The following STXBP5L variants were observed in gnomAD, a reference collection of about 807,000 sequenced individuals.
STXBP5L encodes syntaxin-binding protein 5-like.
A neutral mutation model predicts 144.5 loss-of-function variants in STXBP5L; 65 were observed. The observed-to-expected ratio is 0.45, with a 90% CI of 0.37 to 0.55. The LOEUF (loss-of-function observed/expected upper bound fraction) is 0.55. Ranked by LOEUF, STXBP5L falls within the 20% of genes least tolerant of loss-of-function variation. STXBP5L has a pLI of 0.00. For synonymous variants in STXBP5L, 505 were observed against 469.6 expected (o/e 1.08, Z -0.97); for missense variants, 1,298 against 1,405.5 (o/e 0.92, Z 1.22).
chr3:121,007,904 C>T (rs180689307), intron 3 of STXBP5L, among the ~76,000 whole-genome samples: 2 of 152,036 alleles, frequency 1.3e-5, no homozygotes, highest in Admixed American at 6.6e-5. Context: ...CTAATACTTA[C>T]AGGTGTTATT....
chr3:121,121,225 G>A (rs1019220315), intron 6 of STXBP5L, among the ~76,000 whole-genome samples: 14 of 151,228 alleles, frequency 9.3e-5, no homozygotes, highest in South Asian at 4.1e-4. Flanking sequence ...AGGAGATTTC[G>A]TGTAAAAGGA....
intron 19 of STXBP5L, among the ~76,000 whole-genome samples, chr3:121,283,107 A>T (rs1228244238): frequency 8.1e-6 from 1 of 124,128 alleles, no homozygotes; most frequent in Non-Finnish European, 1.6e-5. Context: ...TATTCTGTTA[A>T]AAAGCAGGTT....
chr3:120,938,270 T>TTA, intron 2 of STXBP5L, among the ~76,000 whole-genome samples: 1 of 152,262 alleles, frequency 6.6e-6, no homozygotes, highest in Non-Finnish European at 1.5e-5. Flanking sequence ...TATTTATTTT[T>TTA]TATATATGGT....
At chr3:121,364,700 T>G (rs1220735473) in intron 20 of STXBP5L, among the ~76,000 whole-genome samples, 3 of 152,012 alleles carry the variant, frequency 2.0e-5, no homozygotes, top group Non-Finnish European at 4.4e-5. Flanking sequence ...TATTTTATTC[T>G]TTTTCATGCT....
chr3:121,051,081 A>T (rs1947944805), intron 5 of STXBP5L, among the ~76,000 whole-genome samples: 1 of 152,204 alleles, frequency 6.6e-6, no homozygotes, highest in Non-Finnish European at 1.5e-5. Flanking sequence ...CCAGATTCAT[A>T]AAGGAAGTCC....
chr3:121,336,587 TA>T (rs2108571211), intron 20 of STXBP5L, among the ~76,000 whole-genome samples: 1 of 150,836 alleles, frequency 6.6e-6, no homozygotes, highest in Non-Finnish European at 1.5e-5. Context: ...TGGCTATTAA[TA>T]AAAAGTAAAA....
At chr3:121,030,018 T>C (rs1199758212) in intron 3 of STXBP5L, among the ~76,000 whole-genome samples, 1 of 152,058 alleles carries the variant, frequency 6.6e-6, no homozygotes, top group Non-Finnish European at 1.5e-5. Flanking sequence ...TATTAAAAAG[T>C]CAGGAAACGA....
intron 3 of STXBP5L, among the ~76,000 whole-genome samples, chr3:120,995,354 A>G (rs1174599174): frequency 6.6e-6 from 1 of 151,918 alleles, no homozygotes; most frequent in East Asian, 1.9e-4. Flanking sequence ...CCCTATGTCA[A>G]CCAGGCTGAT....
At chr3:121,148,270 T>C (rs556975435) in intron 7 of STXBP5L, among the ~76,000 whole-genome samples, 2 of 152,156 alleles carry the variant, frequency 1.3e-5, no homozygotes, top group East Asian at 1.9e-4. Flanking sequence ...TGATCAAGAA[T>C]GAAAGAGAAG....
intron 3 of STXBP5L, among the ~76,000 whole-genome samples, chr3:120,988,635 T>G (rs895031766): frequency 1.3e-5 from 2 of 152,132 alleles, no homozygotes; most frequent in Non-Finnish European, 2.9e-5. Context: ...GTTGATTGTG[T>G]TGTTGAGTTC....
chr3:121,209,745 C>T (rs1381360853), intron 10 of STXBP5L, among the ~76,000 whole-genome samples: 1 of 152,186 alleles, frequency 6.6e-6, no homozygotes, highest in Non-Finnish European at 1.5e-5. Flanking sequence ...ATCCATGTCC[C>T]TACAAAGGAC....
At chr3:121,336,801 C>T (rs573099798) in intron 20 of STXBP5L, among the ~76,000 whole-genome samples, 103 of 152,174 alleles carry the variant, frequency 6.8e-4, no homozygotes, top group African/African-American at 2.4e-3. Context: ...AACACATGCA[C>T]GTGTGTATTC....
intron 25 of STXBP5L, among the ~76,000 whole-genome samples, chr3:121,416,935 T>A (rs530305845): frequency 6.6e-6 from 1 of 152,326 alleles, no homozygotes; most frequent in Admixed American, 6.5e-5. Context: ...CTGGAACTTT[T>A]ATGCAAAAAC....
intron 6 of STXBP5L, among the ~76,000 whole-genome samples, chr3:121,116,301 C>T (rs376882304): frequency 2.1e-4 from 32 of 152,080 alleles, no homozygotes; most frequent in South Asian, 1.5e-3. Context: ...TGAAGCTTGA[C>T]GCTGGAAATA....
chr3:121,120,676 G>A (rs2044418020), intron 6 of STXBP5L, among the ~76,000 whole-genome samples: 1 of 151,268 alleles, frequency 6.6e-6, no homozygotes, highest in Admixed American at 6.6e-5. Flanking sequence ...AGCACCAGGA[G>A]ATCCTAGAAT....
intron 3 of STXBP5L, among the ~76,000 whole-genome samples, chr3:120,978,264 A>T (rs1941322545): frequency 6.6e-6 from 1 of 152,022 alleles, no homozygotes; most frequent in African/African-American, 2.4e-5. Flanking sequence ...TTTTTTCTCT[A>T]AACTTCCCTT....
At chr3:121,409,384 G>A (rs567304055) in intron 23 of STXBP5L, among the ~76,000 whole-genome samples, 1 of 151,840 alleles carries the variant, frequency 6.6e-6, no homozygotes, top group Non-Finnish European at 1.5e-5. Context: ...ATAGCAGAGA[G>A]GTCAAAGAAT....
At chr3:121,306,262 G>T (rs2043334690) in intron 19 of STXBP5L, among the ~76,000 whole-genome samples, 1 of 152,110 alleles carries the variant, frequency 6.6e-6, no homozygotes, top group African/African-American at 2.4e-5. Context: ...CTTCCAGGTT[G>T]CCAGCATTTC....
chr3:121,172,276 G>C (rs1301967314), intron 9 of STXBP5L, among the ~76,000 whole-genome samples: 2 of 152,132 alleles, frequency 1.3e-5, no homozygotes, highest in Non-Finnish European at 2.9e-5. Context: ...GTAGGCATGG[G>C]CAAAACTTCA....
Sources: allele counts gnomAD v4.1 joint callset (sites outside exome capture counted in the v4.1 genomes callset), GRCh38; gene constraint gnomAD v4.1.1; transcripts MANE v1.5; gene names NCBI Gene and HGNC (gene_info 2026-07-23, HGNC 2026-07-21).